The following EYS variants were observed in gnomAD, a reference collection of about 807,000 sequenced individuals.
The protein encoded by EYS is protein eyes shut homolog.
Under a neutral mutation model 282.1 loss-of-function variants are expected in EYS, and 250 were observed. That is an observed-to-expected ratio of 0.89 (90% confidence interval 0.80 to 0.98). EYS has a LOEUF of 0.98. Ranked by LOEUF, EYS falls within the 50% of genes least tolerant of loss-of-function variation. The pLI is 0.00. For missense variants in EYS, 4,016 were observed against 3,709.0 expected (o/e 1.08, Z -2.15); for synonymous variants, 1,355 against 1,282.9 (o/e 1.06, Z -1.20).
chr6:65,231,107 ATATG>A (rs1448491174), intron 12 of EYS, among the ~76,000 whole-genome samples: 3 of 106,408 alleles, frequency 2.8e-5, no homozygotes, highest in Admixed American at 8.9e-5. Context: ...ACTTTTATAT[ATATG>A]TATTTATATA....
intron 2 of EYS, among the ~76,000 whole-genome samples, chr6:65,581,090 G>A (rs1582480547): frequency 6.6e-6 from 1 of 151,860 alleles, no homozygotes; most frequent in East Asian, 1.9e-4. Context: ...AACATAATTA[G>A]AAATTAATAC....
chr6:63,935,484 G>A (rs905800965), intron 35 of EYS, among the ~76,000 whole-genome samples: 1 of 152,168 alleles, frequency 6.6e-6, no homozygotes, highest in Non-Finnish European at 1.5e-5. Context: ...AAAAGAAGTG[G>A]TTTGTTAGGA....
chr6:65,281,677 G>C (rs754398291), intron 12 of EYS, among the ~76,000 whole-genome samples: 10 of 152,040 alleles, frequency 6.6e-5, no homozygotes, highest in Non-Finnish European at 1.3e-4. Flanking sequence ...TATAGCATGA[G>C]AGAGAAAAAC....
chr6:65,305,255 G>A (rs1768971080), intron 11 of EYS, among the ~76,000 whole-genome samples: 1 of 152,176 alleles, frequency 6.6e-6, no homozygotes, highest in Admixed American at 6.5e-5. Context: ...AAGGGTGCAA[G>A]CAAACTTAGT....
chr6:64,887,119 T>A (rs148568683), intron 18 of EYS, among the ~76,000 whole-genome samples: 3 of 152,028 alleles, frequency 2.0e-5, no homozygotes, highest in Admixed American at 2.0e-4. Context: ...GATGAGGTCA[T>A]GTCCTTTGTA....
chr6:65,221,490 T>G (rs991794806), intron 12 of EYS, among the ~76,000 whole-genome samples: 4 of 152,344 alleles, frequency 2.6e-5, no homozygotes, highest in Admixed American at 6.5e-5. Flanking sequence ...CACATGGTTT[T>G]GGGCCTGCAG....
intron 13 of EYS, among the ~76,000 whole-genome samples, chr6:65,011,952 A>C (rs543343455): frequency 1.1e-4 from 16 of 152,134 alleles, no homozygotes; most frequent in Non-Finnish European, 2.2e-4. Flanking sequence ...TCACTCTATT[A>C]AATCTTGCAA....
At chr6:65,637,924 G>A (rs1767145961) in intron 2 of EYS, among the ~76,000 whole-genome samples, 1 of 152,156 alleles carries the variant, frequency 6.6e-6, no homozygotes, top group Non-Finnish European at 1.5e-5. Context: ...AAGCAGACAG[G>A]CCCTCGGGTG....
intron 2 of EYS, among the ~76,000 whole-genome samples, chr6:65,618,368 T>C (rs1766304914): frequency 6.6e-6 from 1 of 152,276 alleles, no homozygotes. Context: ...GAAGTGTCTG[T>C]TCATGTCCTT....
At chr6:64,116,845 T>A (rs1018858769) in intron 31 of EYS, among the ~76,000 whole-genome samples, 1 of 152,136 alleles carries the variant, frequency 6.6e-6, no homozygotes, top group African/African-American at 2.4e-5. Flanking sequence ...TGTATAATGA[T>A]AAAGGGGTCA....
chr6:63,947,261 G>C (rs1765426518), intron 35 of EYS, among the ~76,000 whole-genome samples: 1 of 151,916 alleles, frequency 6.6e-6, no homozygotes, highest in Admixed American at 6.6e-5. Flanking sequence ...TTGGCAAAAA[G>C]CATTCAGTCT....
At chr6:65,439,014 C>T (rs2150390448) in intron 5 of EYS, among the ~76,000 whole-genome samples, 1 of 152,248 alleles carries the variant, frequency 6.6e-6, no homozygotes, top group Non-Finnish European at 1.5e-5. Flanking sequence ...TTTAATCCAT[C>T]TTGAATTAAT....
intron 29 of EYS, among the ~76,000 whole-genome samples, chr6:64,310,692 A>G (rs1183875130): frequency 6.6e-6 from 1 of 152,196 alleles, no homozygotes; most frequent in Non-Finnish European, 1.5e-5. Flanking sequence ...CCAGGACAAC[A>G]GTTTACCTAT....
At chr6:64,862,147 C>T (rs1026246444) in intron 19 of EYS, among the ~76,000 whole-genome samples, 3 of 152,186 alleles carry the variant, frequency 2.0e-5, no homozygotes, top group Admixed American at 6.5e-5. Context: ...TCTCTGATTT[C>T]GCATGTGAAG....
intron 10 of EYS, among the ~76,000 whole-genome samples, chr6:65,336,874 T>C (rs1021982990): frequency 2.6e-5 from 4 of 151,532 alleles, no homozygotes; most frequent in African/African-American, 4.8e-5. Flanking sequence ...GCACTTCTTA[T>C]GGAGTGCTTA....
At chr6:64,890,024 T>TGGAGG (rs1177052424) in intron 18 of EYS, among the ~76,000 whole-genome samples, 1 of 138,178 alleles carries the variant, frequency 7.2e-6, no homozygotes, top group Non-Finnish European at 1.5e-5. Flanking sequence ...AATATGCACC[T>TGGAGG]GGAGGTATAG....
chr6:64,791,380 T>C (rs1381973663), intron 22 of EYS, among the ~76,000 whole-genome samples: 2 of 151,834 alleles, frequency 1.3e-5, no homozygotes, highest in African/African-American at 2.4e-5. Context: ...TTCCACACTA[T>C]ATTATTCACA....
intron 22 of EYS, among the ~76,000 whole-genome samples, chr6:64,758,646 G>T (rs1008556662): frequency 8.5e-5 from 13 of 152,094 alleles, no homozygotes; most frequent in African/African-American, 2.9e-4. Flanking sequence ...CTGCAGTTTG[G>T]AGTGAGAAAA....
At chr6:64,534,725 A>G (rs1217554860) in intron 26 of EYS, among the ~76,000 whole-genome samples, 1 of 152,100 alleles carries the variant, frequency 6.6e-6, no homozygotes, top group African/African-American at 2.4e-5. Context: ...TGTTAGCCCT[A>G]ATTCTGAAAC....
Sources: gnomAD v4.1 joint callset for allele counts (sites outside exome capture counted in the v4.1 genomes callset) on GRCh38, gnomAD v4.1.1 for gene constraint, MANE v1.5 for transcripts, NCBI Gene and HGNC (gene_info 2026-07-23, HGNC 2026-07-21) for gene names.